ITGB4: variants seen among roughly 807,000 people sequenced by gnomAD.
ITGB4 encodes the protein integrin subunit beta 4.
In ITGB4, 159 loss-of-function variants were observed where a neutral mutation model predicts 207.6. The observed-to-expected ratio is 0.77, with a 90% CI of 0.67 to 0.87. ITGB4 has a LOEUF of 0.87. ITGB4 is among the 40% of genes least tolerant of loss of function. The probability of loss-of-function intolerance (pLI) is 0.00; values close to 1 mark genes in which losing one functional copy is unlikely to be tolerated. For missense variants in ITGB4, 2,278 were observed against 2,546.8 expected (o/e 0.89, Z 2.27); for synonymous variants, 1,020 against 1,062.7 (o/e 0.96, Z 0.78).
chr17:75,755,568 GGTGA>G (rs1240709702), intron 34 of ITGB4, 129 bp from the exon 35 acceptor site: 18 of 1,142,440 alleles, frequency 1.6e-5, no homozygotes, highest in African/African-American at 4.6e-5. Context: ...GGTGTTGCAG[GGTGA>G]GTGAGTTGTC....
Position 75,730,393 on chromosome 17 carries a change from C to T in ITGB4, c.891C>T (p.Thr297=). ...ACCTGGACACCACGGGCACCTACAC[C>T]CAGTACAGGACACAGGACTACCCGT... The part of the protein sequence containing the change: ...RCHLDTTGTY[T]QYRTQDYPSV... Residue 297 remains threonine (T), a synonymous_variant, in exon 8 of 40, where the codon ACC becomes ACT. Transcript: ENST00000200181. 1.2e-6 allele frequency: 2 copies of T among 1,614,044 alleles called. No individual in the cohort carries two copies. The highest frequency in any genetic ancestry group is 8.5e-7 in the Non-Finnish European group (1 of 1,180,014).
At chr17:75,741,037 C>T (rs989612972) in intron 23 of ITGB4, 32 bp downstream of exon 23, 53 of 1,606,620 alleles carry the variant, frequency 3.3e-5, no homozygotes, top group Non-Finnish European at 4.2e-5. Context: ...GAGAGGGCCC[C>T]CACTTCCTGC....
At chr17:75,726,490 G>A (rs988065726) in intron 2 of ITGB4, among the ~76,000 whole-genome samples, 1 of 152,110 alleles carries the variant, frequency 6.6e-6, no homozygotes, top group African/African-American at 2.4e-5. Flanking sequence ...CCAGCACTTT[G>A]GGAGGCTGAG....
intron 15 of ITGB4, 60 bp from the exon 16 acceptor site, chr17:75,736,505 G>T: frequency 6.3e-7 from 1 of 1,596,366 alleles, no homozygotes; most frequent in South Asian, 1.1e-5. Flanking sequence ...TTTGGGGAGC[G>T]GGGGTCTGGC....
chr17:75,757,405 C>T lies in ITGB4; in HGVS notation c.5330-11C>T, dbSNP rs765536898. ...CCCAAGCCAGGTCATCTAATGCCTCCTCCTCCACAGATGGGCTGACCCTGG... is the reference window on the plus strand; with the variant it reads ...CCCAAGCCAGGTCATCTAATGCCTCTTCCTCCACAGATGGGCTGACCCTGG... On this transcript the variant is annotated splice_polypyrimidine_tract_variant and intron_variant, in intron 39 of 39. Transcript: ENST00000200181. 6.8e-6 allele frequency: 11 copies of T among 1,613,096 alleles called. No homozygotes were observed. Among genetic ancestry groups the T allele is most frequent in the Non-Finnish European group, 9.3e-6 (11 of 1,179,976 alleles).
Position 75,750,710 on chromosome 17 carries a change from T to A in ITGB4, c.3505T>A (p.Ser1169Thr). The change falls in exon 29 of 40, where the codon TCC (serine) becomes ACC (threonine). Residue 1169 changes from serine to threonine, a missense_variant. Physicochemically the swap from Ser to Thr is moderately conservative, Grantham distance 58. Coordinates refer to ENST00000200181, the MANE Select transcript of ITGB4 (RefSeq NM_000213.5). The surrounding 1 kb of genome is among the most constrained non-coding windows in gnomAD (Gnocchi z 5.5). Reference protein sequence around the residue: ...VKYWIQGDSESEAHLLDSKVP... With the variant: ...VKYWIQGDSETEAHLLDSKVP... ...GTACTGGATTCAGGGTGACTCCGAATCCGAAGCCCACCTGCTCGACAGCAA... is the reference window on the plus strand; with the variant it reads ...GTACTGGATTCAGGGTGACTCCGAAACCGAAGCCCACCTGCTCGACAGCAA... 1 of 1,613,350 alleles carries A rather than the reference T, an allele frequency of 6.2e-7. No homozygotes were observed. The highest frequency in any genetic ancestry group is 8.5e-7 in the Non-Finnish European group (1 of 1,180,012).
Position 75,731,122 on chromosome 17 carries a change from C to T in ITGB4, c.1093-124C>T, listed in dbSNP as rs2060846687. 3 of 1,539,354 alleles carry T rather than the reference C, an allele frequency of 1.9e-6. No homozygotes were observed. The highest frequency in any genetic ancestry group is 1.8e-5 in the Admixed American group (1 of 56,842). ...CTATCCCTGAGGCCCCGAGGGGCCA[C>T]CTGGGCCTGGCCCTGGCTCCTGCAG... On this transcript the variant is annotated intron_variant, in intron 9 of 39. Coordinates refer to ENST00000200181, the MANE Select transcript of ITGB4 (RefSeq NM_000213.5). The surrounding 1 kb of genome is among the most constrained non-coding windows in gnomAD (Gnocchi z 6.8).
intron 27 of ITGB4, among the ~76,000 whole-genome samples, chr17:75,749,289 A>G (rs2143319214): frequency 6.6e-6 from 1 of 152,210 alleles, no homozygotes; most frequent in Non-Finnish European, 1.5e-5. Flanking sequence ...GCATTTTGGG[A>G]GGCCAAGGTG....
Position 75,744,452 on chromosome 17 carries a change from G to C in ITGB4, c.3111+591G>C, listed in dbSNP as rs578219690. Among the ~76,000 whole-genome samples the C allele has an allele frequency of 3.3e-5, 5 of 152,028 alleles. 1 individual carries two copies. The South Asian group carries it at 1.0e-3, about 32-fold the overall frequency. ...GCTCTTTCTTCCTTCATGGGCCAGG[G>C]ACCTGCCCAGACCATTCCTGTCCCC... On this transcript the variant is annotated intron_variant, in intron 26 of 39. Coordinates refer to ENST00000200181, the MANE Select transcript of ITGB4 (RefSeq NM_000213.5).
Position 75,757,118 on chromosome 17 carries a change from G to C in ITGB4, c.5218+11G>C. The C allele has an allele frequency of 6.2e-7, 1 of 1,612,880 alleles. No homozygotes were observed. Among genetic ancestry groups the C allele is most frequent in the Non-Finnish European group, 8.5e-7 (1 of 1,179,944 alleles). ...AGTCCCAGGATGGAGGTAGGCACCTGTCCTTTCCTTCACCCCCACCCCTCC... is the reference window on the plus strand; with the variant it reads ...AGTCCCAGGATGGAGGTAGGCACCTCTCCTTTCCTTCACCCCCACCCCTCC... On this transcript the variant is annotated intron_variant, in intron 38 of 39. Coordinates refer to ENST00000200181, the MANE Select transcript of ITGB4 (RefSeq NM_000213.5).
Position 75,727,564 on chromosome 17 carries a change from G to T in ITGB4, c.264+59G>T. 6.3e-7 allele frequency: 1 copy of T among 1,595,206 alleles called. No individual in the cohort carries two copies. The highest frequency in any genetic ancestry group is 1.9e-4 in the Middle Eastern group (1 of 5,198). ...CATGCTCAGCCTGGCTATTTATGGG[G>T]GTGTATAGTGCCCCTTGGCCGGGCT... On this transcript the variant is annotated intron_variant, in intron 4 of 39. Coordinates refer to ENST00000200181, the MANE Select transcript of ITGB4 (RefSeq NM_000213.5). This position sits in a 1 kb window ranked among gnomAD's most constrained non-coding sequence, Gnocchi z 6.0.
At chr17:75,751,998 A>T in intron 30 of ITGB4, 176 bp from the exon 31 acceptor site, 1 of 767,960 alleles carries the variant, frequency 1.3e-6, no homozygotes, top group South Asian at 1.4e-5. Flanking sequence ...TGTCCACGCC[A>T]GTCATGCTGA....
At position 75,757,537 on chromosome 17, in the gene ITGB4, A is replaced by G; in HGVS notation, c.5451A>G (p.Gln1817=). ...TSGTLSTHMD[Q]QFFQT is the part of the protein sequence containing the mutation. ...GAACCCTTAGCACCCACATGGACCAACAGTTCTTCCAAACTTGACCGCACC... is the reference window on the plus strand; with the variant it reads ...GAACCCTTAGCACCCACATGGACCAGCAGTTCTTCCAAACTTGACCGCACC... Residue 1817 remains glutamine, a synonymous_variant, in exon 40 of 40, where the codon CAA becomes CAG. Coordinates refer to ENST00000200181, the MANE Select transcript of ITGB4 (RefSeq NM_000213.5). 1 of 1,613,326 alleles carries G rather than the reference A, an allele frequency of 6.2e-7. No homozygotes were observed. The highest frequency in any genetic ancestry group is 8.5e-7 in the Non-Finnish European group (1 of 1,179,938).
At position 75,739,243 on chromosome 17, in the gene ITGB4, C is replaced by T. The variant is rs1019084860; in HGVS notation, c.2221-429C>T. 1.1e-4 allele frequency among the ~76,000 whole-genome samples: 17 copies of T among 148,742 alleles called. No individual in the cohort carries two copies. Among genetic ancestry groups the T allele is most frequent in the Non-Finnish European group, 2.1e-4 (14 of 66,892 alleles). On this transcript the variant is annotated intron_variant, in intron 18 of 39. Coordinates refer to ENST00000200181, the MANE Select transcript of ITGB4 (RefSeq NM_000213.5). This position sits in a 1 kb window ranked among gnomAD's most constrained non-coding sequence, Gnocchi z 5.4. ...CTGGGAGGTAGAGGTTGCAGTGAGC[C>T]GCGATCGTGCCACTGCATTCCAGCC... is the stretch of plus-strand genomic sequence containing the variant.
intron 30 of ITGB4, 60 bp from the exon 31 acceptor site, chr17:75,752,114 G>A: frequency 4.5e-6 from 7 of 1,551,868 alleles, no homozygotes; most frequent in South Asian, 2.2e-5. Context: ...CTGTGTCAGG[G>A]GTGGTGTTGG....
At chr17:75,751,388 A>G (rs1030940924) in intron 30 of ITGB4, among the ~76,000 whole-genome samples, 2 of 152,214 alleles carry the variant, frequency 1.3e-5, no homozygotes, top group Non-Finnish European at 2.9e-5. Context: ...CATGCAGGTA[A>G]CCAGGGAGCT....
chr17:75,757,689 T>A lies in ITGB4; in HGVS notation c.*134T>A. 7.8e-7 allele frequency: 1 copy of A among 1,278,104 alleles called. No individual in the cohort carries two copies. Among genetic ancestry groups the A allele is most frequent in the Non-Finnish European group, 1.1e-6 (1 of 891,362 alleles). 79.2% of individuals were successfully genotyped at this position (1,278,104 alleles called of 1,614,324 possible). A position where few individuals can be genotyped will look rare whatever the true frequency, so the allele number is the denominator to read the frequency against. ...GCATGCACAGAGCAGGGGCTAGGTG[T>A]CTCCTGGGAGGCATGAAGGGGGCAA... On this transcript the variant is annotated 3_prime_UTR_variant, in exon 40 of 40. Transcript: ENST00000200181.
rs1221949400 is a variant in ITGB4, at chr17:75,737,455, G to A, written c.2113+11G>A. 6.4e-7 allele frequency: 1 copy of A among 1,553,300 alleles called. No individual in the cohort carries two copies. Among genetic ancestry groups the A allele is most frequent in the Non-Finnish European group, 8.7e-7 (1 of 1,148,122 alleles). ...TGCACAAGAAGAAGGGTGAGCTGGTGGGGCCGGGCGCAGGGAGGGGGCGTG... is the reference window on the plus strand; with the variant it reads ...TGCACAAGAAGAAGGGTGAGCTGGTAGGGCCGGGCGCAGGGAGGGGGCGTG... On this transcript the variant is annotated intron_variant, in intron 17 of 39. Coordinates refer to ENST00000200181, the MANE Select transcript of ITGB4 (RefSeq NM_000213.5).
At chr17:75,745,432 A>G (rs1407258269) in intron 26 of ITGB4, among the ~76,000 whole-genome samples, 1 of 152,064 alleles carries the variant, frequency 6.6e-6, no homozygotes, top group Non-Finnish European at 1.5e-5. Context: ...ATCAAACAAA[A>G]AAACAAAGAA....
Sources: allele counts gnomAD v4.1 joint callset (sites outside exome capture counted in the v4.1 genomes callset), GRCh38; gene constraint gnomAD v4.1.1; non-coding constraint Gnocchi (gnomAD v3.1); transcripts MANE v1.5; gene names NCBI Gene and HGNC (gene_info 2026-07-23, HGNC 2026-07-21).